DYRK1A: variants seen among roughly 807,000 people sequenced by gnomAD.
The protein encoded by DYRK1A is dual specificity tyrosine-phosphorylation-regulated kinase 1A.
Under a neutral mutation model 79.7 loss-of-function variants are expected in DYRK1A, and 9 were observed. The ratio of observed to expected loss-of-function variants is 0.11; its 90% CI spans 0.07 to 0.20. The LOEUF is 0.20. Ranked by LOEUF, DYRK1A falls within the 10% of genes least tolerant of loss-of-function variation. The pLI is 1.00. For missense variants in DYRK1A, 622 were observed against 956.0 expected (o/e 0.65, Z 4.61); for synonymous variants, 349 against 329.7 (o/e 1.06, Z -0.63).
At chr21:37,423,680 T>G (rs1480832236) in intron 2 of DYRK1A, among the ~76,000 whole-genome samples, 1 of 152,160 alleles carries the variant, frequency 6.6e-6, no homozygotes, top group African/African-American at 2.4e-5. Context: ...CTTTGTTTTG[T>G]TGAAATGAAC....
intron 9 of DYRK1A, among the ~76,000 whole-genome samples, chr21:37,497,090 G>T (rs1235246575): frequency 6.6e-6 from 1 of 151,886 alleles, no homozygotes; most frequent in African/African-American, 2.4e-5. Context: ...TCATAGTTTT[G>T]CATTTTATAA....
chr21:37,494,111 C>T (rs570351396), intron 8 of DYRK1A, among the ~76,000 whole-genome samples: 1 of 151,834 alleles, frequency 6.6e-6, no homozygotes, highest in South Asian at 2.1e-4. Flanking sequence ...AGGCTGCTCT[C>T]GAACTCCTGA....
rs58947386 is a variant in DYRK1A at position 37,519,736 on chromosome 21, G to GTTTTTTTTGTTTTTTT, written c.*7213_*7214insGTTTTTTTTTTTTTTT. The GTTTTTTTTGTTTTTTT allele has an allele frequency of 9.2e-3, 790 of 85,680 alleles. 66 individuals are homozygous for GTTTTTTTTGTTTTTTT. Among genetic ancestry groups the GTTTTTTTTGTTTTTTT allele is most frequent in the African/African-American group, 0.036 (742 of 20,510 alleles). 5.3% of individuals were successfully genotyped at this position (85,680 alleles called of 1,614,324 possible). A position where few individuals can be genotyped will look rare whatever the true frequency, so the allele number is the denominator to read the frequency against. ...AGAGTTTTGAGGTTTGTTGTGGGAA[G>GTTTTTTTTGTTTTTTT]TTTTTTTTTTTTTTTTTTTTTTTGA... On this transcript the variant is annotated 3_prime_UTR_variant, in exon 12 of 12. Transcript: ENST00000647188.
intron 4 of DYRK1A, among the ~76,000 whole-genome samples, chr21:37,479,153 T>C (rs1416297993): frequency 6.6e-6 from 1 of 152,238 alleles, no homozygotes; most frequent in Admixed American, 6.5e-5. Flanking sequence ...TACATGCAAA[T>C]TTTATAGCAA....
At chr21:37,491,178 A>G (rs745343781) in intron 7 of DYRK1A, among the ~76,000 whole-genome samples, 7 of 152,248 alleles carry the variant, frequency 4.6e-5, no homozygotes, top group Middle Eastern at 3.4e-3. Context: ...CTAAAAACAG[A>G]TGTGTTCGTA....
chr21:37,444,955 G>GCCA (rs2051220874), intron 2 of DYRK1A, among the ~76,000 whole-genome samples: 1 of 152,044 alleles, frequency 6.6e-6, no homozygotes, highest in African/African-American at 2.4e-5. Context: ...AAGTGACTGG[G>GCCA]GCACTGGGAG....
At chr21:37,394,562 G>A (rs974734503) in intron 1 of DYRK1A, among the ~76,000 whole-genome samples, 2 of 152,166 alleles carry the variant, frequency 1.3e-5, no homozygotes, top group Non-Finnish European at 2.9e-5. Context: ...TTGGGCAAGC[G>A]ATCATTTCTG....
At chr21:37,372,242 G>A (rs1256720974) in intron 1 of DYRK1A, among the ~76,000 whole-genome samples, 5 of 151,046 alleles carry the variant, frequency 3.3e-5, no homozygotes, top group South Asian at 2.1e-4. Flanking sequence ...CCAGGAGTTC[G>A]AAACCAGCCT....
intron 9 of DYRK1A, chr21:37,501,239 C>A (rs575952519): frequency 7.2e-6 from 1 of 138,956 alleles, no homozygotes; most frequent in Non-Finnish European, 1.5e-5. Flanking sequence ...GGTGTGATCT[C>A]GGCTCACTGC....
At chr21:37,388,691 C>T (rs2049810951) in intron 1 of DYRK1A, among the ~76,000 whole-genome samples, 1 of 151,310 alleles carries the variant, frequency 6.6e-6, no homozygotes, top group African/African-American at 2.4e-5. Flanking sequence ...GTCGCCCAGG[C>T]TGGAGTGTAG....
chr21:37,511,251 A>G lies in DYRK1A; in HGVS notation c.1645-660A>G, dbSNP rs2053740698. Among the ~76,000 whole-genome samples the G allele has an allele frequency of 4.6e-5, 7 of 152,334 alleles. No individual in the cohort carries two copies. In the South Asian group the frequency reaches 1.4e-3, roughly 32 times the overall value. On this transcript the variant is annotated intron_variant, in intron 11 of 11. Transcript: ENST00000647188. Reference sequence around the variant, plus strand: ...CATTTGGGTTTATTTTGTTTTTCTAAGTGCAGTGAGAAGTCATTAAAGGAT... The same window carrying G: ...CATTTGGGTTTATTTTGTTTTTCTAGGTGCAGTGAGAAGTCATTAAAGGAT...
chr21:37,469,183 A>G (rs753708715), intron 2 of DYRK1A, among the ~76,000 whole-genome samples: 1 of 152,172 alleles, frequency 6.6e-6, no homozygotes, highest in Admixed American at 6.5e-5. Context: ...GAAGGAGTGG[A>G]GCGTGAGAAT....
chr21:37,497,469 C>T (rs934718023), intron 9 of DYRK1A, among the ~76,000 whole-genome samples: 2 of 152,006 alleles, frequency 1.3e-5, no homozygotes, highest in Non-Finnish European at 2.9e-5. Flanking sequence ...TAATCGTGGC[C>T]CATTTTCCAT....
intron 1 of DYRK1A, among the ~76,000 whole-genome samples, chr21:37,418,005 ATGAC>A (rs2050390966): frequency 6.6e-6 from 1 of 152,220 alleles, no homozygotes; most frequent in Non-Finnish European, 1.5e-5. Context: ...AAATGAAAAT[ATGAC>A]TGTCTAGATT....
chr21:37,440,130 CTTTTTT>C (rs1164986221), intron 2 of DYRK1A, among the ~76,000 whole-genome samples: 937 of 37,782 alleles, frequency 0.025, 24 homozygotes, highest in African/African-American at 0.073. Context: ...TTGTTTGCTC[CTTTTTT>C]TTTTTTTTTT....
rs2053967701 is a variant in DYRK1A, at chr21:37,526,344, ATATGC to A, written c.*13816_*13820del. On this transcript the variant is annotated 3_prime_UTR_variant, in exon 12 of 12. Coordinates refer to ENST00000647188, the MANE Select transcript of DYRK1A (RefSeq NM_001347721.2). ...TGTATAAATGTGTTTTATGTAATAA[ATATGC>A]TAAGCTAAACATCTTATGCTCATGA... 1 of 152,214 alleles carries A rather than the reference ATATGC, an allele frequency of 6.6e-6. No homozygotes were observed. The highest frequency in any genetic ancestry group is 2.4e-5 in the African/African-American group (1 of 41,452). 9.4% of individuals were successfully genotyped at this position (152,214 alleles called of 1,614,324 possible). A position where few individuals can be genotyped will look rare whatever the true frequency, so the allele number is the denominator to read the frequency against.
At chr21:37,377,467 G>T (rs2049570121) in intron 1 of DYRK1A, among the ~76,000 whole-genome samples, 1 of 151,806 alleles carries the variant, frequency 6.6e-6, no homozygotes, top group Non-Finnish European at 1.5e-5. Flanking sequence ...TCAGCTCACA[G>T]AGCTCCCATT....
intron 5 of DYRK1A, among the ~76,000 whole-genome samples, chr21:37,483,423 C>T (rs532037749): frequency 1.2e-4 from 19 of 152,310 alleles, no homozygotes; most frequent in African/African-American, 4.1e-4. Flanking sequence ...CAGTGTGGCC[C>T]TACCAGTCCC....
In DYRK1A at chr21:37,520,449, G is replaced by A. The variant is rs1182005204; in HGVS notation, c.*7918G>A. ...TCTTCTTTATTCTGTTGACTTTGTTGATAATATTAGGTGACTACATCGAGC... is the reference window on the plus strand; with the variant it reads ...TCTTCTTTATTCTGTTGACTTTGTTAATAATATTAGGTGACTACATCGAGC... On this transcript the variant is annotated 3_prime_UTR_variant, in exon 12 of 12. Coordinates refer to ENST00000647188, the MANE Select transcript of DYRK1A (RefSeq NM_001347721.2). 3 of 152,176 alleles carry A rather than the reference G, an allele frequency of 2.0e-5. No individual in the cohort carries two copies. The highest frequency in any genetic ancestry group is 4.4e-5 in the Non-Finnish European group (3 of 68,038). The allele number at this position is 152,176 out of a possible 1,614,324, so 9.4% of individuals were successfully genotyped here.
Sources: allele counts gnomAD v4.1 joint callset (sites outside exome capture counted in the v4.1 genomes callset), GRCh38; gene constraint gnomAD v4.1.1; transcripts MANE v1.5; gene names NCBI Gene and HGNC (gene_info 2026-07-23, HGNC 2026-07-21).